The following GRAMD1C variants were observed in gnomAD, a reference collection of about 807,000 sequenced individuals.
GRAMD1C encodes the protein protein Aster-C.
In GRAMD1C, 89 loss-of-function variants were observed where a neutral mutation model predicts 97.8. That is an observed-to-expected ratio of 0.91 (90% CI 0.77 to 1.09). The LOEUF (loss-of-function observed/expected upper bound fraction) is 1.09. GRAMD1C is among the 50% of genes least tolerant of loss of function. GRAMD1C has a pLI of 0.00. For synonymous variants in GRAMD1C, 256 were observed against 267.0 expected (o/e 0.96, Z 0.40); for missense variants, 740 against 766.4 (o/e 0.97, Z 0.41).
upstream of GRAMD1C, chr3:113,838,607 C>T (rs1709680508): frequency 3.1e-6 from 1 of 322,776 alleles, no homozygotes; most frequent in African/African-American, 2.2e-5. Flanking sequence ...CCGAGCAATT[C>T]ACCTTTTCGC....
chr3:113,841,498 C>G (rs1489987673), intron 1 of GRAMD1C, among the ~76,000 whole-genome samples: 1 of 151,906 alleles, frequency 6.6e-6, no homozygotes, highest in African/African-American at 2.4e-5. Context: ...CCATGTTGGT[C>G]AGGCTGGTCT....
At chr3:113,862,800 G>A (rs1025367722) in intron 2 of GRAMD1C, among the ~76,000 whole-genome samples, 13 of 152,272 alleles carry the variant, frequency 8.5e-5, no homozygotes, top group African/African-American at 3.1e-4. Context: ...ACTAATAAAT[G>A]TCCATGAAAT....
intron 9 of GRAMD1C, among the ~76,000 whole-genome samples, chr3:113,914,693 C>G (rs1419293600): frequency 1.5e-5 from 2 of 136,704 alleles, no homozygotes; most frequent in East Asian, 2.1e-4. Context: ...TTTTTTTTTT[C>G]TTTTCTGTTT....
chr3:113,870,782 T>C (rs1046461056), intron 3 of GRAMD1C, among the ~76,000 whole-genome samples: 5 of 151,898 alleles, frequency 3.3e-5, no homozygotes, highest in African/African-American at 1.2e-4. Context: ...GAAAACTCAA[T>C]TGCAATTCAG....
chr3:113,884,219 G>GT (rs1411377965), intron 6 of GRAMD1C, among the ~76,000 whole-genome samples: 1 of 152,112 alleles, frequency 6.6e-6, no homozygotes, highest in East Asian at 1.9e-4. Context: ...CAAAAAACAG[G>GT]TGTCAGTACA....
At chr3:113,856,917 G>A (rs562125618) in intron 2 of GRAMD1C, among the ~76,000 whole-genome samples, 1 of 150,694 alleles carries the variant, frequency 6.6e-6, no homozygotes, top group Non-Finnish European at 1.5e-5. Flanking sequence ...TCGGCTCACT[G>A]CAACCTCCAT....
At position 113,928,287 on chromosome 3, in the gene GRAMD1C, A is replaced by G. The variant is rs374161768; in HGVS notation, c.1091-2427A>G. On this transcript the variant is annotated intron_variant, in intron 10 of 17. Coordinates refer to ENST00000358160, the MANE Select transcript of GRAMD1C (RefSeq NM_017577.5). ...GTTTGTGAGAGCGGCACACACGAGC[A>G]GCTTCTAATTCACCATCTTGACCCA... 4.0e-5 allele frequency among the ~76,000 whole-genome samples: 6 copies of G among 149,978 alleles called. No homozygotes were observed. In the East Asian group the frequency reaches 9.6e-4, roughly 24 times the overall value.
intron 9 of GRAMD1C, among the ~76,000 whole-genome samples, chr3:113,910,263 A>G (rs202210495): frequency 6.6e-5 from 10 of 152,054 alleles, no homozygotes; most frequent in Non-Finnish European, 1.3e-4. Context: ...TGTGCCTGTA[A>G]TCCCAGCTAC....
chr3:113,851,129 A>T (rs1348812230), intron 2 of GRAMD1C, among the ~76,000 whole-genome samples: 2 of 152,172 alleles, frequency 1.3e-5, no homozygotes, highest in Admixed American at 6.5e-5. Flanking sequence ...AGATTTAGCT[A>T]ATCATTGTAT....
At chr3:113,936,494 A>G in intron 14 of GRAMD1C, 52 bp downstream of exon 14, 1 of 1,173,908 alleles carries the variant, frequency 8.5e-7, no homozygotes, top group Non-Finnish European at 1.2e-6. Flanking sequence ...TAGTTATATG[A>G]AGCAGAATGT....
intron 3 of GRAMD1C, among the ~76,000 whole-genome samples, chr3:113,872,115 A>G (rs1363980089): frequency 6.6e-6 from 1 of 152,190 alleles, no homozygotes; most frequent in East Asian, 1.9e-4. Context: ...ATACAGTCCC[A>G]TGATAAAATT....
chr3:113,912,414 T>A (rs895336724), intron 9 of GRAMD1C, among the ~76,000 whole-genome samples: 2 of 152,216 alleles, frequency 1.3e-5, no homozygotes, highest in African/African-American at 4.8e-5. Context: ...ATTGTGTGTG[T>A]TATACTGCTT....
intron 11 of GRAMD1C, among the ~76,000 whole-genome samples, chr3:113,933,026 A>C (rs1937497679): frequency 6.6e-6 from 1 of 151,974 alleles, no homozygotes; most frequent in African/African-American, 2.4e-5. Flanking sequence ...CTGGGATTAC[A>C]GGCATGTGCC....
At chr3:113,938,062 C>A in intron 14 of GRAMD1C, 24 bp from the exon 15 acceptor site, 2 of 1,314,352 alleles carry the variant, frequency 1.5e-6, no homozygotes, top group Admixed American at 2.2e-5. Context: ...CATTCTAATG[C>A]AGCCTTTTTC....
At position 113,935,501 on chromosome 3, in the gene GRAMD1C, TAC is replaced by T. The variant is rs918077510; in HGVS notation, c.1457-749_1457-748del. Reference sequence around the variant, plus strand: ...TACATGCGAGAAATATATATATATATACACACACACACACACATATATGCATG... The same window carrying T: ...TACATGCGAGAAATATATATATATATACACACACACACACATATATGCATG... On this transcript the variant is annotated intron_variant, in intron 13 of 17. Coordinates refer to ENST00000358160, the MANE Select transcript of GRAMD1C (RefSeq NM_017577.5). 1.3e-3 allele frequency among the ~76,000 whole-genome samples: 135 copies of T among 105,642 alleles called. 3 individuals carry two copies. The highest frequency in any genetic ancestry group is 9.6e-3 in the East Asian group (32 of 3,322). The allele number at this position is 105,642 out of a possible 152,430, so 69.3% of individuals were successfully genotyped here.
chr3:113,887,607 A>T (rs962299053), intron 6 of GRAMD1C, among the ~76,000 whole-genome samples: 1 of 128,734 alleles, frequency 7.8e-6, no homozygotes, highest in African/African-American at 2.7e-5. Flanking sequence ...AGGCTGAGGC[A>T]GGAGAAAGGA....
In GRAMD1C at chr3:113,875,530, A is replaced by G. The variant is rs13079383; in HGVS notation, c.306A>G (p.Leu102=). The G allele has an allele frequency of 0.35, 532,784 of 1,538,392 alleles. 97,587 individuals are homozygous for G. The highest frequency in any genetic ancestry group is 0.37 in the Admixed American group (22,332 of 59,748). ...GGGACATTTTGCTTCAGGGACGACTATACCTTTCAGAAAACTGGCTATGTT... is the reference window on the plus strand; with the variant it reads ...GGGACATTTTGCTTCAGGGACGACTGTACCTTTCAGAAAACTGGCTATGTT... ...LQRDILLQGR[L]YLSENWLCFY... Residue 102 remains leucine, a synonymous_variant, in exon 4 of 18, where the codon CTA becomes CTG. Transcript: ENST00000358160.
chr3:113,872,849 A>G lies in GRAMD1C; in HGVS notation c.260-2635A>G, dbSNP rs546878688. Among the ~76,000 whole-genome samples, 4 of 148,412 alleles carry G rather than the reference A, an allele frequency of 2.7e-5. No individual in the cohort carries two copies. The East Asian group carries it at 8.1e-4, about 30-fold the overall frequency. On this transcript the variant is annotated intron_variant, in intron 3 of 17. Coordinates refer to ENST00000358160, the MANE Select transcript of GRAMD1C (RefSeq NM_017577.5). The stretch of plus-strand genomic sequence containing the variant: ...CACTTTGAGAGGCCGAGGCGGGCAG[A>G]TCGCTTGAGGCCAGGAGTTCAAGAC...
chr3:113,944,492 T>C (rs1219293031), intron 17 of GRAMD1C, among the ~76,000 whole-genome samples: 1 of 152,190 alleles, frequency 6.6e-6, no homozygotes, highest in East Asian at 1.9e-4. Context: ...CCTGGATGAC[T>C]AACAGGATTC....
Sources: allele counts gnomAD v4.1 joint callset (sites outside exome capture counted in the v4.1 genomes callset), GRCh38; gene constraint gnomAD v4.1.1; transcripts MANE v1.5; gene names NCBI Gene and HGNC (gene_info 2026-07-23, HGNC 2026-07-21).